STXBP4: variants seen among roughly 807,000 people sequenced by gnomAD.
STXBP4 encodes syntaxin binding protein 4.
Under a neutral mutation model 76.1 loss-of-function variants are expected in STXBP4, and 55 were observed. The ratio of observed to expected loss-of-function variants is 0.72; its 90% CI spans 0.58 to 0.91. The LOEUF is 0.91. STXBP4 is among the 40% of genes least tolerant of loss of function. The pLI is 0.00. For missense variants in STXBP4, 618 were observed against 636.9 expected (o/e 0.97, Z 0.32); for synonymous variants, 201 against 220.2 (o/e 0.91, Z 0.77).
chr17:55,187,552 T>C, the STXBP4 span, among the ~76,000 whole-genome samples: 4 of 152,146 alleles, frequency 2.6e-5, no homozygotes, highest in Admixed American at 6.5e-5. Context: ...ATGGATGATA[T>C]AGCATCCTGG....
At chr17:55,056,375 A>C (rs575289766) in intron 12 of STXBP4, among the ~76,000 whole-genome samples, 14 of 152,310 alleles carry the variant, frequency 9.2e-5, no homozygotes, top group African/African-American at 3.4e-4. Context: ...ATCTGTGCTT[A>C]GATTTAATAA....
At chr17:55,036,931 A>G (rs1010457915) in intron 10 of STXBP4, among the ~76,000 whole-genome samples, 4 of 152,098 alleles carry the variant, frequency 2.6e-5, no homozygotes, top group Non-Finnish European at 5.9e-5. Context: ...AATTTATTGA[A>G]CAAATAAGTC....
intron 12 of STXBP4, among the ~76,000 whole-genome samples, chr17:55,071,015 A>T (rs2079113207): frequency 6.6e-6 from 1 of 152,102 alleles, no homozygotes; most frequent in African/African-American, 2.4e-5. Context: ...CTTTACCTTC[A>T]AACTGTATTT....
intron 8 of STXBP4, among the ~76,000 whole-genome samples, chr17:55,009,346 A>G (rs2078064616): frequency 1.3e-5 from 2 of 152,334 alleles, no homozygotes; most frequent in African/African-American, 4.8e-5. Flanking sequence ...ATAATTATTC[A>G]ATGATATTGA....
intron 17 of STXBP4, among the ~76,000 whole-genome samples, chr17:55,146,716 C>CA (rs1198649435): frequency 4.1e-5 from 5 of 122,122 alleles, no homozygotes; most frequent in South Asian, 2.6e-4. Flanking sequence ...GACTCCGTCT[C>CA]AAAAAAAAAG....
rs1465568635 is a variant in STXBP4 at position 55,169,025 on chromosome 17, C to T, written c.*9114C>T. ...TCATGCATGCACAGGCAAAGACAACCATATCACTATGACCACCTGGCTGAC... is the reference window on the plus strand; with the variant it reads ...TCATGCATGCACAGGCAAAGACAACTATATCACTATGACCACCTGGCTGAC... On this transcript the variant is annotated 3_prime_UTR_variant, in exon 18 of 18. Transcript: ENST00000376352. 1 of 152,174 alleles carries T rather than the reference C, an allele frequency of 6.6e-6. No individual in the cohort carries two copies. The highest frequency in any genetic ancestry group is 2.4e-5 in the African/African-American group (1 of 41,428). The allele number at this position is 152,174 out of a possible 1,614,324, so 9.4% of individuals were successfully genotyped here. A position where few individuals can be genotyped will look rare whatever the true frequency, so the allele number is the denominator to read the frequency against.
At position 55,039,109 on chromosome 17, in the gene STXBP4, A is replaced by G. The variant is rs118067521; in HGVS notation, c.856-4127A>G. On this transcript the variant is annotated intron_variant, in intron 10 of 17. Coordinates refer to ENST00000376352, the MANE Select transcript of STXBP4 (RefSeq NM_178509.6). ...TTAAGATAGGTAAAACTTGGCCTAC[A>G]TATTTTAAGGAAAAGTCATGTGCCC... Among the ~76,000 whole-genome samples the G allele has an allele frequency of 3.2e-3, 482 of 152,332 alleles. 12 individuals carry two copies. Among genetic ancestry groups the G allele is most frequent in the East Asian group, 0.025 (131 of 5,190 alleles).
At chr17:55,196,444 C>T in the STXBP4 span, among the ~76,000 whole-genome samples, 1 of 152,222 alleles carries the variant, frequency 6.6e-6, no homozygotes, top group African/African-American at 2.4e-5. Context: ...GTAAAATTTT[C>T]TATTCAACCC....
chr17:55,087,836 G>T (rs901347132), intron 16 of STXBP4, among the ~76,000 whole-genome samples: 1 of 150,604 alleles, frequency 6.6e-6, no homozygotes, highest in African/African-American at 2.4e-5. Flanking sequence ...GGGTAGTATT[G>T]TTATTTTAAC....
At chr17:55,211,799 GTTTTTTTT>G in the STXBP4 span, among the ~76,000 whole-genome samples, 3 of 49,004 alleles carry the variant, frequency 6.1e-5, no homozygotes, top group Admixed American at 3.1e-4. Flanking sequence ...GTTTTTTGTT[GTTTTTTTT>G]TTTTTTTTTT....
At chr17:54,980,171 G>A (rs1430580177) in intron 1 of STXBP4, among the ~76,000 whole-genome samples, 1 of 152,000 alleles carries the variant, frequency 6.6e-6, no homozygotes, top group Non-Finnish European at 1.5e-5. Context: ...TTTAAATGAA[G>A]ACATATAATC....
At chr17:55,210,363 G>A in the STXBP4 span, among the ~76,000 whole-genome samples, 1 of 152,070 alleles carries the variant, frequency 6.6e-6, no homozygotes, top group Non-Finnish European at 1.5e-5. Context: ...ACAAAGGAGC[G>A]CTCATTCCCC....
At position 55,016,276 on chromosome 17, in the gene STXBP4, G is replaced by C. The variant is rs527362556; in HGVS notation, c.666+8679G>C. On this transcript the variant is annotated intron_variant, in intron 8 of 17. Coordinates refer to ENST00000376352, the MANE Select transcript of STXBP4 (RefSeq NM_178509.6). ...CTGCACCTGTTTTCTCACCTTTCTT[G>C]ACCACAAAGAAAGGGGTCCAGAGTG... Among the ~76,000 whole-genome samples the C allele has an allele frequency of 9.9e-5, 15 of 152,120 alleles. No homozygotes were observed. The East Asian group carries it at 2.9e-3, about 29-fold the overall frequency.
chr17:55,085,225 G>A lies in STXBP4; in HGVS notation c.1489+4042G>A, dbSNP rs537453231. Among the ~76,000 whole-genome samples the A allele has an allele frequency of 2.6e-5, 4 of 152,130 alleles. 1 individual carries two copies. Among genetic ancestry groups the A allele is most frequent in the African/African-American group, 9.6e-5 (4 of 41,504 alleles). On this transcript the variant is annotated intron_variant, in intron 16 of 17. Coordinates refer to ENST00000376352, the MANE Select transcript of STXBP4 (RefSeq NM_178509.6). ...GACTGTTGTGGGGTGGGTGGAGGGG[G>A]GAGGGATGGCAGTGGGAGATATACC... is the stretch of plus-strand genomic sequence containing the variant.
rs1234882488 is a variant in STXBP4, at chr17:55,165,698, C to A, written c.*5787C>A. On this transcript the variant is annotated 3_prime_UTR_variant, in exon 18 of 18. Transcript: ENST00000376352. ...CTAATTTCATATATTGAAACCTAACCCCCAAGGTACCAGTATTAAGAGGTA... is the reference window on the plus strand; with the variant it reads ...CTAATTTCATATATTGAAACCTAACACCCAAGGTACCAGTATTAAGAGGTA... 6.6e-6 allele frequency: 1 copy of A among 152,252 alleles called. No individual in the cohort carries two copies. Among genetic ancestry groups the A allele is most frequent in the Non-Finnish European group, 1.5e-5 (1 of 68,140 alleles). The allele number at this position is 152,252 out of a possible 1,614,324, so 9.4% of individuals were successfully genotyped here.
chr17:55,083,916 T>G (rs1598296670), intron 16 of STXBP4, among the ~76,000 whole-genome samples: 2 of 152,294 alleles, frequency 1.3e-5, no homozygotes, highest in Middle Eastern at 3.4e-3. Flanking sequence ...ACTCCACCCG[T>G]GTATGGGAAA....
intron 17 of STXBP4, among the ~76,000 whole-genome samples, chr17:55,148,501 T>G (rs2080180834): frequency 6.6e-6 from 1 of 152,194 alleles, no homozygotes; most frequent in African/African-American, 2.4e-5. Context: ...GTACTACTTT[T>G]AGCTTTTTCT....
intron 4 of STXBP4, among the ~76,000 whole-genome samples, chr17:54,998,842 A>ATT (rs34718481): frequency 8.0e-5 from 12 of 150,724 alleles, no homozygotes; most frequent in East Asian, 1.9e-4. Context: ...TGAAAATTTA[A>ATT]TTTTTTTTTT....
rs957232346 is a variant in STXBP4, at chr17:55,162,279, A to G, written c.*2368A>G. 2 of 152,250 alleles carry G rather than the reference A, an allele frequency of 1.3e-5. No individual in the cohort carries two copies. Among genetic ancestry groups the G allele is most frequent in the Non-Finnish European group, 2.9e-5 (2 of 68,050 alleles). The allele number at this position is 152,250 out of a possible 1,614,324, so 9.4% of individuals were successfully genotyped here. ...CTTTTCCAGTGCAAATACGACCCTC[A>G]TATTATGTTTTGGCGAGTAGCCAGT... On this transcript the variant is annotated 3_prime_UTR_variant, in exon 18 of 18. Transcript: ENST00000376352.
Sources: gnomAD v4.1 joint callset for allele counts (sites outside exome capture counted in the v4.1 genomes callset) on GRCh38, gnomAD v4.1.1 for gene constraint, MANE v1.5 for transcripts, NCBI Gene and HGNC (gene_info 2026-07-23, HGNC 2026-07-21) for gene names.